RETREG1: variants seen among roughly 807,000 people sequenced by gnomAD.
The protein encoded by RETREG1 is family with sequence similarity 134 member B.
Under a neutral mutation model 54.8 loss-of-function variants are expected in RETREG1, and 44 were observed. The observed-to-expected ratio is 0.80, with a 90% CI of 0.63 to 1.03. RETREG1 has a LOEUF of 1.03. Among genes scored for constraint, RETREG1 ranks in the 50% least tolerant of loss-of-function variants. The pLI is 0.00. For synonymous variants in RETREG1, 217 were observed against 238.5 expected, an observed-to-expected ratio of 0.91 and a Z score of 0.83; for missense variants, 554 against 605.1, an observed-to-expected ratio of 0.92 and a Z score of 0.89.
intron 1 of RETREG1, 93 bp downstream of exon 1, chr5:16,616,559 C>T: frequency 6.6e-7 from 1 of 1,516,410 alleles, no homozygotes; most frequent in Non-Finnish European, 8.8e-7. Flanking sequence ...TCCGCAGTGT[C>T]CCGCGGGCTC....
chr5:16,484,367 G>A (rs188402726), intron 3 of RETREG1, among the ~76,000 whole-genome samples: 1 of 152,246 alleles, frequency 6.6e-6, no homozygotes, highest in East Asian at 1.9e-4. Flanking sequence ...GCCCTGTTAA[G>A]AATCCTCAAA....
At chr5:16,592,885 C>T (rs867068006) in intron 1 of RETREG1, among the ~76,000 whole-genome samples, 25 of 151,982 alleles carry the variant, frequency 1.6e-4, no homozygotes, top group South Asian at 1.2e-3. Context: ...AGACACTGGG[C>T]CTATTGGAGG....
intron 3 of RETREG1, chr5:16,508,517 A>G: frequency 6.8e-7 from 1 of 1,473,130 alleles, no homozygotes; most frequent in Non-Finnish European, 9.5e-7. Context: ...ATATTTTTAA[A>G]AAGATAACTA....
chr5:16,569,070 G>A (rs1406603833), intron 2 of RETREG1, among the ~76,000 whole-genome samples: 1 of 152,054 alleles, frequency 6.6e-6, no homozygotes, highest in African/African-American at 2.4e-5. Flanking sequence ...GATCTAACGT[G>A]AAGCCAAACT....
At chr5:16,559,913 G>C (rs1488597910) in intron 3 of RETREG1, among the ~76,000 whole-genome samples, 1 of 152,118 alleles carries the variant, frequency 6.6e-6, no homozygotes, top group African/African-American at 2.4e-5. Context: ...ATGTCAATTT[G>C]GTTCTGTTGG....
At chr5:16,527,765 C>T (rs1238739446) in intron 3 of RETREG1, among the ~76,000 whole-genome samples, 29 of 140,638 alleles carry the variant, frequency 2.1e-4, no homozygotes, top group African/African-American at 7.1e-4. Flanking sequence ...ATCAAAATAG[C>T]TGTCCATAGC....
intron 3 of RETREG1, among the ~76,000 whole-genome samples, chr5:16,520,778 CAAAGTGT>C (rs930664500): frequency 1.3e-5 from 2 of 152,102 alleles, no homozygotes; most frequent in African/African-American, 4.8e-5. Context: ...AAACATGATG[CAAAGTGT>C]AAAGTCTGTG....
chr5:16,526,018 A>G (rs190895258), intron 3 of RETREG1, among the ~76,000 whole-genome samples: 43 of 152,304 alleles, frequency 2.8e-4, no homozygotes, highest in African/African-American at 1.0e-3. Flanking sequence ...GCCCTACTCA[A>G]AGTGCTCTGA....
intron 3 of RETREG1, among the ~76,000 whole-genome samples, chr5:16,516,614 G>C (rs1295842209): frequency 6.6e-6 from 1 of 152,176 alleles, no homozygotes; most frequent in Non-Finnish European, 1.5e-5. Context: ...TTGAAGCCAG[G>C]AGGAGACTGG....
At chr5:16,573,735 G>GTTT (rs3993826) in intron 1 of RETREG1, among the ~76,000 whole-genome samples, 1,356 of 121,796 alleles carry the variant, frequency 0.011, 78 homozygotes, top group East Asian at 0.015. Flanking sequence ...GGGTTTGTTT[G>GTTT]TTTTTTGTTT....
intron 3 of RETREG1, among the ~76,000 whole-genome samples, chr5:16,489,959 AGT>A (rs553422832): frequency 4.7e-4 from 72 of 152,374 alleles, no homozygotes; most frequent in African/African-American, 1.7e-3. Context: ...TTTACAACTC[AGT>A]TATTTTTGAA....
intron 3 of RETREG1, among the ~76,000 whole-genome samples, chr5:16,525,997 G>A (rs964130378): frequency 6.6e-6 from 1 of 152,196 alleles, no homozygotes; most frequent in Non-Finnish European, 1.5e-5. Flanking sequence ...TCACACTGCG[G>A]AAGATAATCT....
intron 8 of RETREG1, among the ~76,000 whole-genome samples, chr5:16,476,108 C>T (rs368679857): frequency 1.2e-4 from 18 of 152,150 alleles, no homozygotes; most frequent in African/African-American, 4.3e-4. Flanking sequence ...CTTGAATGAC[C>T]TTCAGCAATG....
At chr5:16,492,331 CTGTTA>C (rs1473249479) in intron 3 of RETREG1, among the ~76,000 whole-genome samples, 1 of 151,668 alleles carries the variant, frequency 6.6e-6, no homozygotes, top group Non-Finnish European at 1.5e-5. Flanking sequence ...GTTTTGATTT[CTGTTA>C]TAATACCTCC....
chr5:16,588,250 C>T (rs2451854), intron 1 of RETREG1, among the ~76,000 whole-genome samples: 20,543 of 152,226 alleles, frequency 0.13, 1,408 homozygotes, highest in Non-Finnish European at 0.16. Flanking sequence ...GGCCTCTCTT[C>T]TTGGCTTGCA....
At chr5:16,550,041 A>G (rs993467997) in intron 3 of RETREG1, among the ~76,000 whole-genome samples, 2 of 152,212 alleles carry the variant, frequency 1.3e-5, no homozygotes, top group African/African-American at 4.8e-5. Flanking sequence ...CTGCAGGATT[A>G]TAAGTCCTCT....
At chr5:16,547,285 T>C (rs1741415780) in intron 3 of RETREG1, among the ~76,000 whole-genome samples, 1 of 152,184 alleles carries the variant, frequency 6.6e-6, no homozygotes, top group South Asian at 2.1e-4. Flanking sequence ...ATTACAAATA[T>C]CACAAGAAAT....
At chr5:16,496,129 A>C (rs1194707194) in intron 3 of RETREG1, among the ~76,000 whole-genome samples, 1 of 152,224 alleles carries the variant, frequency 6.6e-6, no homozygotes, top group African/African-American at 2.4e-5. Flanking sequence ...CACTTAAAAA[A>C]AAAAGTAGTA....
rs1738475876 is a variant in RETREG1 at position 16,475,064 on chromosome 5, G to A, written c.1171C>T (p.Gln391Ter). ...DSGHRPSKET[Q>*]SAAGLTLPLN... is the part of the protein sequence containing the mutation. ...GGAAGGGTGAGACCAGCTGCTGATT[G>A]CGTCTCTTTGCTTGGTCTGTGACCA... Residue 391 changes from glutamine (Q) to a stop codon, truncating the protein, a stop_gained, in exon 9 of 9, where the codon CAA becomes TAA. Coordinates refer to ENST00000306320, the MANE Select transcript of RETREG1 (RefSeq NM_001034850.3). LOFTEE classifies it high-confidence loss of function. The A allele has an allele frequency of 1.9e-6, 3 of 1,613,894 alleles. No homozygotes were observed. Among genetic ancestry groups the A allele is most frequent in the Non-Finnish European group, 2.5e-6 (3 of 1,179,896 alleles).
Sources: allele counts gnomAD v4.1 joint callset (sites outside exome capture counted in the v4.1 genomes callset), GRCh38; gene constraint gnomAD v4.1.1; transcripts MANE v1.5; gene names NCBI Gene and HGNC (gene_info 2026-07-23, HGNC 2026-07-21).